The following SDK1 variants were observed in gnomAD, a reference collection of about 807,000 sequenced individuals.
SDK1 encodes the protein sidekick cell adhesion molecule 1.
SDK1 carries 157 observed loss-of-function variants against 245.5 expected under a neutral mutation model. The ratio of observed to expected loss-of-function variants is 0.64; its 90% CI spans 0.56 to 0.73. The LOEUF is 0.73. SDK1 is among the 30% of genes least tolerant of loss of function. SDK1 has a pLI of 0.00. For synonymous variants in SDK1, 1,647 were observed against 1,278.5 expected (o/e 1.29, Z -6.15); for missense variants, 3,583 against 3,002.3 (o/e 1.19, Z -4.52).
intron 1 of SDK1, among the ~76,000 whole-genome samples, chr7:3,598,384 T>C (rs1271056793): frequency 2.0e-5 from 3 of 152,210 alleles, no homozygotes; most frequent in Non-Finnish European, 1.5e-5. Context: ...TGTTCTAAAT[T>C]AAGCTTTTTA....
At chr7:4,239,804 A>T (rs1786408683) in intron 42 of SDK1, among the ~76,000 whole-genome samples, 1 of 152,162 alleles carries the variant, frequency 6.6e-6, no homozygotes, top group Non-Finnish European at 1.5e-5. Flanking sequence ...AGGTTTTCCC[A>T]TCAACTGGGT....
At position 4,129,536 on chromosome 7, in the gene SDK1, C is replaced by G. The variant is rs977322393; in HGVS notation, c.3940-372C>G. 7 of 519,328 alleles carry G rather than the reference C, an allele frequency of 1.3e-5. No homozygotes were observed. In the Admixed American group the frequency reaches 2.5e-4, roughly 18 times the overall value. The allele number at this position is 519,328 out of a possible 1,614,324, so 32.2% of individuals were successfully genotyped here. A position where few individuals can be genotyped will look rare whatever the true frequency, so the allele number is the denominator to read the frequency against. ...GAAACCAGCTTCCATGGCTGGAAAA[C>G]CCAGGGGGCTGCTGGCTCCTGTGGC... On this transcript the variant is annotated intron_variant, in intron 26 of 44. Coordinates refer to ENST00000404826, the MANE Select transcript of SDK1 (RefSeq NM_152744.4).
intron 44 of SDK1, among the ~76,000 whole-genome samples, chr7:4,263,312 G>C (rs1300172820): frequency 6.6e-6 from 1 of 150,820 alleles, no homozygotes; most frequent in Non-Finnish European, 1.5e-5. Flanking sequence ...GCTCTTCTAT[G>C]TTCTGCCCTG....
intron 1 of SDK1, among the ~76,000 whole-genome samples, chr7:3,365,525 T>G (rs989522045): frequency 6.6e-6 from 1 of 152,232 alleles, no homozygotes; most frequent in Non-Finnish European, 1.5e-5. Flanking sequence ...TTCTATTCAT[T>G]TTCTCTTACA....
At position 3,301,840 on chromosome 7, in the gene SDK1, C is replaced by G. The variant is rs2128539497; in HGVS notation, c.254C>G (p.Ala85Gly). The G allele has an allele frequency of 1.8e-6, 2 of 1,130,752 alleles. No homozygotes were observed. Among genetic ancestry groups the G allele is most frequent in the Non-Finnish European group, 1.1e-6 (1 of 924,250 alleles). The allele number at this position is 1,130,752 out of a possible 1,614,324, so 70.0% of individuals were successfully genotyped here. A position where few individuals can be genotyped will look rare whatever the true frequency, so the allele number is the denominator to read the frequency against. Residue 85 changes from alanine to glycine, a missense_variant, in exon 1 of 45, where the codon GCG (alanine) becomes GGG (glycine). By Grantham distance (60) the Ala-to-Gly change is moderately conservative. Transcript: ENST00000404826. ...KLGPGRRGWW[A>G]LLALQLHLLR... ...GGGCCGGGCCGCCGCGGCTGGTGGG[C>G]GCTGCTGGCGCTGCAGCTGCACTTG...
rs76528131 is a variant in SDK1 at position 3,513,771 on chromosome 7, C to T, written c.299-105309C>T. 7.6e-3 allele frequency among the ~76,000 whole-genome samples: 1,160 copies of T among 152,246 alleles called. 9 individuals carry two copies. Among genetic ancestry groups the T allele is most frequent in the African/African-American group, 0.019 (791 of 41,566 alleles). The stretch of plus-strand genomic sequence containing the variant: ...GTGTGGTGCCCAGCAGGTTTTATAA[C>T]TTTTCAGTCTAGTCCCACCCACCCT... On this transcript the variant is annotated intron_variant, in intron 1 of 44. Coordinates refer to ENST00000404826, the MANE Select transcript of SDK1 (RefSeq NM_152744.4).
chr7:4,122,849 T>G lies in SDK1; in HGVS notation c.3824-4532T>G, dbSNP rs143169705. On this transcript the variant is annotated intron_variant, in intron 25 of 44. Coordinates refer to ENST00000404826, the MANE Select transcript of SDK1 (RefSeq NM_152744.4). ...ATAGATGATGGGTAAGAGGTTTCTTTTTCAATTCTTGAAAACTTTGCAACT... is the reference window on the plus strand; with the variant it reads ...ATAGATGATGGGTAAGAGGTTTCTTGTTCAATTCTTGAAAACTTTGCAACT... 6.6e-3 allele frequency among the ~76,000 whole-genome samples: 1,004 copies of G among 152,336 alleles called. 8 individuals carry two copies. Among genetic ancestry groups the G allele is most frequent in the African/African-American group, 0.023 (964 of 41,570 alleles).
At chr7:3,583,420 A>G (rs1780579503) in intron 1 of SDK1, among the ~76,000 whole-genome samples, 1 of 152,180 alleles carries the variant, frequency 6.6e-6, no homozygotes, top group Non-Finnish European at 1.5e-5. Context: ...TCTGTTTGGA[A>G]CAGTATTAGA....
intron 44 of SDK1, among the ~76,000 whole-genome samples, chr7:4,255,682 G>A (rs1787576929): frequency 6.6e-6 from 1 of 152,128 alleles, no homozygotes; most frequent in African/African-American, 2.4e-5. Context: ...AGCTGGATAA[G>A]AGATGCCAGA....
Position 3,337,165 on chromosome 7 carries a change from C to G in SDK1, c.298+35281C>G, listed in dbSNP as rs11980966. Among the ~76,000 whole-genome samples the G allele has an allele frequency of 6.0e-3, 917 of 152,186 alleles. 9 individuals carry two copies. Among genetic ancestry groups the G allele is most frequent in the African/African-American group, 0.02 (850 of 41,506 alleles). ...GATAAAATGTTTCAACAAGCTATTA[C>G]AAATTCTTTTGAAACAAAACATTAG... is the stretch of plus-strand genomic sequence containing the variant. On this transcript the variant is annotated intron_variant, in intron 1 of 44. Transcript: ENST00000404826.
chr7:4,121,171 A>G (rs1288269341), intron 25 of SDK1, among the ~76,000 whole-genome samples: 1 of 151,948 alleles, frequency 6.6e-6, no homozygotes, highest in Non-Finnish European at 1.5e-5. Flanking sequence ...GATGTTGTTT[A>G]TTTTTGTAGA....
chr7:4,020,778 C>T (rs1786824173), intron 17 of SDK1, among the ~76,000 whole-genome samples: 1 of 152,190 alleles, frequency 6.6e-6, no homozygotes, highest in Non-Finnish European at 1.5e-5. Context: ...ACTAATGTGC[C>T]TTCAAGAAGC....
At chr7:3,676,979 A>G (rs1294361433) in intron 4 of SDK1, among the ~76,000 whole-genome samples, 1 of 152,082 alleles carries the variant, frequency 6.6e-6, no homozygotes, top group Non-Finnish European at 1.5e-5. Context: ...CTCTAACCTC[A>G]TCTTTTACCT....
Position 3,639,107 on chromosome 7 carries a change from G to C in SDK1, c.562G>C (p.Ala188Pro), listed in dbSNP as rs774307438. ...LLQRKSEVQV[A>P]YMGSFMDTDQ... ...GCAAAGAAAATCAGAAGTTCAAGTC[G>C]CATGTATGTGTACAGTAAGGAGATG... Residue 188 changes from alanine (A) to proline (P), a missense_variant, in exon 3 of 45, where the codon GCA becomes CCA. Transcript: ENST00000404826. The C allele has an allele frequency of 1.3e-6, 2 of 1,580,342 alleles. No homozygotes were observed. Among genetic ancestry groups the C allele is most frequent in the Admixed American group, 1.7e-5 (1 of 59,376 alleles).
In SDK1 at chr7:3,891,245, G is replaced by T. The variant is rs192264599; in HGVS notation, c.848-59678G>T. 1.4e-3 allele frequency among the ~76,000 whole-genome samples: 208 copies of T among 152,292 alleles called. 1 individual carries two copies. The highest frequency in any genetic ancestry group is 4.9e-3 in the African/African-American group (202 of 41,564). On this transcript the variant is annotated intron_variant, in intron 5 of 44. Transcript: ENST00000404826. ...AGGACCCGTAGGCTGGGAGTAGGGG[G>T]TGTCGATTGGGCCTCAGTCGTGCTC...
At chr7:3,654,270 T>C (rs1434668947) in intron 4 of SDK1, among the ~76,000 whole-genome samples, 1 of 152,196 alleles carries the variant, frequency 6.6e-6, no homozygotes, top group Admixed American at 6.5e-5. Flanking sequence ...GGAGTCCCCT[T>C]GTCTGAACTG....
At chr7:4,100,723 C>G (rs749674172) in intron 22 of SDK1, among the ~76,000 whole-genome samples, 4 of 152,100 alleles carry the variant, frequency 2.6e-5, no homozygotes, top group African/African-American at 4.8e-5. Context: ...TGTAAACCAC[C>G]CAGTCTGTGG....
At chr7:3,394,798 A>G (rs1237475617) in intron 1 of SDK1, among the ~76,000 whole-genome samples, 2 of 151,830 alleles carry the variant, frequency 1.3e-5, no homozygotes, top group Non-Finnish European at 2.9e-5. Context: ...TTACTTCCAG[A>G]TTGTTTATTG....
At chr7:4,002,204 C>CTAGTTTT (rs1785124916) in intron 14 of SDK1, among the ~76,000 whole-genome samples, 1 of 151,934 alleles carries the variant, frequency 6.6e-6, no homozygotes, top group Non-Finnish European at 1.5e-5. Context: ...CCAAGAGAAG[C>CTAGTTTT]TTTTTCGTAG....
Sources: gnomAD v4.1 joint callset for allele counts (sites outside exome capture counted in the v4.1 genomes callset) on GRCh38, gnomAD v4.1.1 for gene constraint, MANE v1.5 for transcripts, NCBI Gene and HGNC (gene_info 2026-07-23, HGNC 2026-07-21) for gene names.